The following PECR variants were observed in gnomAD, a reference collection of about 807,000 sequenced individuals.
PECR encodes the protein 2,4-dienoyl-CoA reductase-related protein.
In PECR, 30 loss-of-function variants were observed where a neutral mutation model predicts 35.3. That is an observed-to-expected ratio of 0.85 (90% CI 0.64 to 1.15). The LOEUF (loss-of-function observed/expected upper bound fraction) is 1.15. Ranked by LOEUF, PECR falls within the 50% of genes most tolerant of loss-of-function variation. The pLI, the probability that PECR is intolerant of heterozygous loss-of-function variation, is 0.00. For missense variants in PECR, 392 were observed against 370.8 expected, an observed-to-expected ratio of 1.06 and a Z score of -0.47; for synonymous variants, 148 against 138.9, an observed-to-expected ratio of 1.07 and a Z score of -0.46.
intron 3 of PECR, among the ~76,000 whole-genome samples, chr2:216,063,735 G>T (rs1695407004): frequency 6.6e-6 from 1 of 151,656 alleles, no homozygotes. Flanking sequence ...TTATTTATTT[G>T]AAACAGAGTC....
chr2:216,042,977 G>GTA (rs1452514190), intron 7 of PECR, among the ~76,000 whole-genome samples: 2 of 68,736 alleles, frequency 2.9e-5, no homozygotes, highest in African/African-American at 6.6e-5. Context: ...ATACGTATAT[G>GTA]TGTATATATA....
Position 216,066,222 on chromosome 2 carries a change from G to A in PECR, c.258+163C>T, listed in dbSNP as rs143658447. Among the ~76,000 whole-genome samples, 830 of 152,282 alleles carry A rather than the reference G, an allele frequency of 5.5e-3. 9 individuals carry two copies. The highest frequency in any genetic ancestry group is 0.019 in the African/African-American group (784 of 41,552). On this transcript the variant is annotated intron_variant, in intron 2 of 7. Coordinates refer to ENST00000265322, the MANE Select transcript of PECR (RefSeq NM_018441.6). ...TTCCTCTCCTTCTCCAGGATTCGCC[G>A]GCTCAGTAAATCATTAACATGAGAA...
At chr2:216,036,658 T>G (rs923538984), downstream of PECR, among the ~76,000 whole-genome samples, 3 of 152,218 alleles carry the variant, frequency 2.0e-5, no homozygotes, top group African/African-American at 7.2e-5. Flanking sequence ...CTGAGATGCC[T>G]CCTGCCCAAT....
chr2:216,047,207 G>A (rs1355658829), intron 6 of PECR, among the ~76,000 whole-genome samples: 4 of 150,552 alleles, frequency 2.7e-5, no homozygotes, highest in Admixed American at 1.3e-4. Flanking sequence ...GTGGTGAGCC[G>A]AGATCGTGCC....
chr2:216,044,438 T>C (rs1189932391), intron 6 of PECR, among the ~76,000 whole-genome samples: 2 of 152,230 alleles, frequency 1.3e-5, no homozygotes, highest in Non-Finnish European at 2.9e-5. Context: ...AAATAGTCAA[T>C]GTGTCTGTTT....
At chr2:216,055,395 C>A (rs1302365076) in intron 4 of PECR, among the ~76,000 whole-genome samples, 5 of 150,728 alleles carry the variant, frequency 3.3e-5, no homozygotes, top group African/African-American at 1.2e-4. Flanking sequence ...TGCGATAGTG[C>A]CATTGCACTC....
rs1166813142 is a variant in PECR at position 216,049,337 on chromosome 2, C to A, written c.640G>T (p.Gly214Cys). 1 of 1,594,016 alleles carries A rather than the reference C, an allele frequency of 6.3e-7. No individual in the cohort carries two copies. Among genetic ancestry groups the A allele is most frequent in the Admixed American group, 1.7e-5 (1 of 59,988 alleles). ...TCAAAGAAGCTTTGTCCCCAGGAAC[C>A]ATAGTTCTCCACAGCAGTCTGGGAA... ...IYSQTAVENY[G>C]SWGQSFFEGS... The change falls in exon 6 of 8, where the codon GGT (glycine) becomes TGT (cysteine). Residue 214 changes from glycine (G) to cysteine (C), a missense_variant. Gly to Cys is a radical substitution (Grantham distance 159). Transcript: ENST00000265322.
At chr2:216,047,401 T>TA (rs1445308069) in intron 6 of PECR, among the ~76,000 whole-genome samples, 2 of 152,252 alleles carry the variant, frequency 1.3e-5, no homozygotes, top group African/African-American at 4.8e-5. Context: ...CTTGCTTTTA[T>TA]AATTATCACT....
At chr2:216,030,840 G>A (rs1472047941) in intron 7 of PECR, among the ~76,000 whole-genome samples, 1 of 150,574 alleles carries the variant, frequency 6.6e-6, no homozygotes, top group Admixed American at 6.7e-5. Flanking sequence ...TAGGATTACA[G>A]ATGTTTTGAT....
At chr2:216,070,728 G>A (rs1393129003) in intron 1 of PECR, among the ~76,000 whole-genome samples, 1 of 152,146 alleles carries the variant, frequency 6.6e-6, no homozygotes, top group Non-Finnish European at 1.5e-5. Context: ...TGTATTTATT[G>A]GGTAGAAAGA....
At chr2:216,073,083 G>A (rs541048345) in intron 1 of PECR, among the ~76,000 whole-genome samples, 3 of 152,124 alleles carry the variant, frequency 2.0e-5, no homozygotes, top group Admixed American at 6.6e-5. Context: ...AGCAAAAATT[G>A]GAAAGATTCA....
At chr2:216,030,676 G>A (rs1404600572) in intron 7 of PECR, among the ~76,000 whole-genome samples, 1 of 151,422 alleles carries the variant, frequency 6.6e-6, no homozygotes, top group Non-Finnish European at 1.5e-5. Context: ...CTAAGTAGCT[G>A]GGATTATTAG....
chr2:216,042,157 G>A lies in PECR; in HGVS notation c.826+1747C>T, dbSNP rs148420582. On this transcript the variant is annotated intron_variant, in intron 7 of 7. Transcript: ENST00000265322. ...TGTGGGACTGAGCCCTCAGCCTGTG[G>A]GATCTGATCCTATCTCCAGTGTCAG... is the stretch of plus-strand genomic sequence containing the variant. 3.3e-5 allele frequency among the ~76,000 whole-genome samples: 5 copies of A among 152,278 alleles called. No individual in the cohort carries two copies. In the East Asian group the frequency reaches 9.7e-4, roughly 29 times the overall value.
intron 1 of PECR, among the ~76,000 whole-genome samples, chr2:216,072,737 T>C (rs1180979197): frequency 6.6e-6 from 1 of 152,218 alleles, no homozygotes; most frequent in Non-Finnish European, 1.5e-5. Flanking sequence ...TTCCATGGTA[T>C]ATATAACATA....
At chr2:216,079,406 C>T (rs1051160435) in intron 1 of PECR, among the ~76,000 whole-genome samples, 2 of 149,512 alleles carry the variant, frequency 1.3e-5, no homozygotes, top group African/African-American at 4.9e-5. Context: ...CTTGCTCTGT[C>T]GCCCAGGCTG....
At chr2:216,034,251 C>T (rs767498267), downstream of PECR, among the ~76,000 whole-genome samples, 1 of 152,158 alleles carries the variant, frequency 6.6e-6, no homozygotes, top group Non-Finnish European at 1.5e-5. Flanking sequence ...GCAGAATAGC[C>T]AAATGGCAGC....
At chr2:216,031,699 A>AAGAAAGAAAGAGAGAG (rs1559204176) in intron 7 of PECR, among the ~76,000 whole-genome samples, 6 of 127,494 alleles carry the variant, frequency 4.7e-5, no homozygotes, top group African/African-American at 8.5e-5. Flanking sequence ...AAGAGAAAGA[A>AAGAAAGAAAGAGAGAG]AGAAAGAAAG....
In PECR at chr2:216,059,443, G is replaced by A. The variant is rs139181427; in HGVS notation, c.425-467C>T. 5.9e-3 allele frequency among the ~76,000 whole-genome samples: 896 copies of A among 152,278 alleles called. 8 individuals are homozygous for A. The highest frequency in any genetic ancestry group is 0.02 in the African/African-American group (848 of 41,536). The stretch of plus-strand genomic sequence containing the variant: ...TGTTAATAGTTCCTTTTTGATTGCC[G>A]AGTAGTATTCCATTATGTGGATATG... On this transcript the variant is annotated intron_variant, in intron 3 of 7. Coordinates refer to ENST00000265322, the MANE Select transcript of PECR (RefSeq NM_018441.6).
intron 4 of PECR, among the ~76,000 whole-genome samples, chr2:216,052,276 T>G (rs2105951331): frequency 6.6e-6 from 1 of 152,358 alleles, no homozygotes. Flanking sequence ...TATAGGATAA[T>G]TTAATGTGAG....
Sources: gnomAD v4.1 joint callset for allele counts (sites outside exome capture counted in the v4.1 genomes callset) on GRCh38, gnomAD v4.1.1 for gene constraint, MANE v1.5 for transcripts, NCBI Gene and HGNC (gene_info 2026-07-23, HGNC 2026-07-21) for gene names.